The following ANKRD12 variants were observed in gnomAD, a reference collection of about 807,000 sequenced individuals.
The protein encoded by ANKRD12 is ankyrin repeat domain 12.
ANKRD12 carries 85 observed loss-of-function variants against 183.4 expected under a neutral mutation model. That is an observed-to-expected ratio of 0.46 (90% CI 0.39 to 0.56). ANKRD12 has a LOEUF of 0.56. ANKRD12 is among the 20% of genes least tolerant of loss of function. The pLI is 0.00. For missense variants in ANKRD12, 2,405 were observed against 2,357.1 expected, an observed-to-expected ratio of 1.02 and a Z score of -0.42; for synonymous variants, 914 against 800.2, an observed-to-expected ratio of 1.14 and a Z score of -2.40.
At chr18:9,169,455 A>G (rs1361156892) in intron 1 of ANKRD12, among the ~76,000 whole-genome samples, 2 of 151,982 alleles carry the variant, frequency 1.3e-5, no homozygotes, top group Non-Finnish European at 2.9e-5. Context: ...TGATCGCTTT[A>G]CCATTCTGTA....
intron 1 of ANKRD12, among the ~76,000 whole-genome samples, chr18:9,174,303 C>A (rs953961378): frequency 3.3e-5 from 5 of 152,226 alleles, no homozygotes; most frequent in African/African-American, 1.2e-4. Flanking sequence ...GTGAGGCCCG[C>A]AGAATGACAC....
intron 1 of ANKRD12, among the ~76,000 whole-genome samples, chr18:9,155,233 CT>C (rs1178898048): frequency 6.6e-6 from 1 of 152,062 alleles, no homozygotes; most frequent in Admixed American, 6.5e-5. Context: ...AGCAGAGTGA[CT>C]ATAGTCAAAA....
At chr18:9,185,639 G>A (rs908918745) in intron 2 of ANKRD12, among the ~76,000 whole-genome samples, 3 of 152,170 alleles carry the variant, frequency 2.0e-5, no homozygotes, top group Admixed American at 6.5e-5. Context: ...TATGTAGAAA[G>A]TATGGAGAAG....
At chr18:9,197,673 A>G (rs1416214794) in intron 3 of ANKRD12, among the ~76,000 whole-genome samples, 1 of 152,238 alleles carries the variant, frequency 6.6e-6, no homozygotes, top group Non-Finnish European at 1.5e-5. Flanking sequence ...AATGTTACTT[A>G]AGAAAATCAT....
At chr18:9,205,272 T>C (rs1436253053) in intron 4 of ANKRD12, among the ~76,000 whole-genome samples, 112 of 151,600 alleles carry the variant, frequency 7.4e-4, no homozygotes, top group Non-Finnish European at 8.3e-4. Flanking sequence ...TTTGATTGTC[T>C]TTTTTTAAAT....
chr18:9,195,415 G>A (rs1295385561), intron 2 of ANKRD12, 136 bp from the exon 3 acceptor site: 1 of 438,148 alleles, frequency 2.3e-6, no homozygotes, highest in Non-Finnish European at 3.8e-6. Context: ...GTTGAAGCTG[G>A]GTCTTGAGTA....
intron 2 of ANKRD12, 53 bp downstream of exon 2, chr18:9,182,572 C>T: frequency 8.4e-7 from 1 of 1,194,776 alleles, no homozygotes; most frequent in Non-Finnish European, 1.2e-6. Flanking sequence ...AAAAAGACTC[C>T]CAATTAAGTA....
At chr18:9,173,626 G>T (rs865938197) in intron 1 of ANKRD12, among the ~76,000 whole-genome samples, 1 of 120,724 alleles carries the variant, frequency 8.3e-6, no homozygotes, top group African/African-American at 3.1e-5. Flanking sequence ...TGGGGGGGGG[G>T]TAGGGGGGGC....
At chr18:9,141,133 C>T (rs2078299313) in intron 1 of ANKRD12, among the ~76,000 whole-genome samples, 1 of 151,456 alleles carries the variant, frequency 6.6e-6, no homozygotes, top group Non-Finnish European at 1.5e-5. Context: ...TCTGGGTGGT[C>T]AAAAAAGAAA....
At chr18:9,267,869 C>T (rs1480274565) in intron 10 of ANKRD12, among the ~76,000 whole-genome samples, 15 of 151,846 alleles carry the variant, frequency 9.9e-5, no homozygotes, top group Admixed American at 7.2e-4. Context: ...ATTGATAGAC[C>T]ACTAGCAAGA....
chr18:9,168,973 A>AAT (rs1442192689), intron 1 of ANKRD12, among the ~76,000 whole-genome samples: 2 of 152,062 alleles, frequency 1.3e-5, no homozygotes, highest in Admixed American at 1.3e-4. Flanking sequence ...TCGTTTCATT[A>AAT]TTTACCCAGT....
intron 10 of ANKRD12, among the ~76,000 whole-genome samples, chr18:9,267,334 C>T (rs972416636): frequency 8.5e-5 from 13 of 152,166 alleles, no homozygotes; most frequent in South Asian, 2.1e-4. Flanking sequence ...CTCAGCACCA[C>T]GCCGCACTTC....
intron 1 of ANKRD12, among the ~76,000 whole-genome samples, chr18:9,152,996 CT>C (rs1157358344): frequency 1.3e-5 from 2 of 151,994 alleles, no homozygotes; most frequent in Non-Finnish European, 2.9e-5. Context: ...TCATGTATTT[CT>C]TTTTTAAAAA....
chr18:9,172,699 C>T (rs1395049698), intron 1 of ANKRD12, among the ~76,000 whole-genome samples: 2 of 152,142 alleles, frequency 1.3e-5, no homozygotes, highest in Non-Finnish European at 2.9e-5. Context: ...TTATCACCCA[C>T]CTTCTGAAGC....
chr18:9,141,427 GC>G (rs1201421983), intron 1 of ANKRD12, among the ~76,000 whole-genome samples: 1 of 152,172 alleles, frequency 6.6e-6, no homozygotes, highest in African/African-American at 2.4e-5. Context: ...AGGGAATAGA[GC>G]CAGCAATAGA....
chr18:9,183,178 A>G (rs1170575157), intron 2 of ANKRD12, among the ~76,000 whole-genome samples: 1 of 152,162 alleles, frequency 6.6e-6, no homozygotes, highest in Admixed American at 6.5e-5. Context: ...CAAAATCAGG[A>G]AGTGTAAGTT....
intron 2 of ANKRD12, among the ~76,000 whole-genome samples, chr18:9,185,490 GGTT>G (rs1174799723): frequency 6.6e-6 from 1 of 152,190 alleles, no homozygotes; most frequent in Non-Finnish European, 1.5e-5. Flanking sequence ...AGAAAGAACA[GGTT>G]GTTTTGAATA....
intron 6 of ANKRD12, among the ~76,000 whole-genome samples, chr18:9,212,235 G>A (rs1032708173): frequency 1.3e-5 from 2 of 152,068 alleles, no homozygotes; most frequent in African/African-American, 4.8e-5. Flanking sequence ...AAAGTATGTA[G>A]GGAACAATTC....
chr18:9,189,555 A>G (rs2034320798), intron 2 of ANKRD12, among the ~76,000 whole-genome samples: 1 of 152,246 alleles, frequency 6.6e-6, no homozygotes, highest in Non-Finnish European at 1.5e-5. Context: ...TCAAAGCTTC[A>G]GAGGACAGGC....
Sources: gnomAD v4.1 joint callset for allele counts (sites outside exome capture counted in the v4.1 genomes callset) on GRCh38, gnomAD v4.1.1 for gene constraint, MANE v1.5 for transcripts, NCBI Gene and HGNC (gene_info 2026-07-23, HGNC 2026-07-21) for gene names.